Variants in MGAT4C observed in about 807,000 individuals in gnomAD.
MGAT4C encodes alpha-1,3-mannosyl-glycoprotein 4-beta-N-acetylglucosaminyltransferase C.
MGAT4C carries 19 observed loss-of-function variants against 40.1 expected under a neutral mutation model. The observed-to-expected ratio is 0.47, with a 90% CI of 0.33 to 0.70. MGAT4C has a LOEUF of 0.70. Ranked by LOEUF, MGAT4C falls within the 30% of genes least tolerant of loss-of-function variation. The probability of loss-of-function intolerance (pLI) is 0.02; values close to 1 mark genes in which losing one functional copy is unlikely to be tolerated. For missense variants in MGAT4C, 491 were observed against 563.2 expected (o/e 0.87, Z 1.30); for synonymous variants, 181 against 187.1 (o/e 0.97, Z 0.27).
intron 1 of MGAT4C, among the ~76,000 whole-genome samples, chr12:86,109,331 T>A (rs1876798080): frequency 1.3e-5 from 2 of 152,124 alleles, no homozygotes; most frequent in Non-Finnish European, 1.5e-5. Flanking sequence ...ATTAATATAG[T>A]CTTTTCAGAA....
intron 2 of MGAT4C, among the ~76,000 whole-genome samples, chr12:86,603,513 A>G (rs1426381445): frequency 1.7e-4 from 4 of 23,168 alleles, no homozygotes; most frequent in Non-Finnish European, 5.1e-4. Flanking sequence ...TATATAGTCT[A>G]TAGTCTATAG....
At chr12:86,098,939 C>T (rs1213397197) in intron 1 of MGAT4C, among the ~76,000 whole-genome samples, 2 of 151,346 alleles carry the variant, frequency 1.3e-5, no homozygotes, top group African/African-American at 4.8e-5. Flanking sequence ...TAAAATATTC[C>T]ATTCAATTAC....
intron 3 of MGAT4C, among the ~76,000 whole-genome samples, chr12:86,350,890 A>T (rs560552797): frequency 1.3e-5 from 2 of 152,092 alleles, no homozygotes; most frequent in South Asian, 4.1e-4. Flanking sequence ...TTCTAGAGCA[A>T]CTGTATTTTA....
In MGAT4C at chr12:86,700,034, A is replaced by AG. The variant is rs1432943016; in HGVS notation, c.-229+27174_-229+27175insC. On this transcript the variant is annotated intron_variant, in intron 2 of 7. Coordinates refer to the MGAT4C transcript ENST00000548651. The stretch of plus-strand genomic sequence containing the variant: ...TGTTGTTCAGGGGTCAAATTTAGAT[A>AG]AATAGATAGATAGATAGATAGATAG... Among the ~76,000 whole-genome samples, 386 of 131,020 alleles carry AG rather than the reference A, an allele frequency of 2.9e-3. 5 individuals are homozygous for AG. Among genetic ancestry groups the AG allele is most frequent in the African/African-American group, 9.7e-3 (330 of 34,018 alleles). 86.0% of individuals were successfully genotyped at this position (131,020 alleles called of 152,430 possible). A position where few individuals can be genotyped will look rare whatever the true frequency, so the allele number is the denominator to read the frequency against.
intron 2 of MGAT4C, among the ~76,000 whole-genome samples, chr12:86,505,869 A>T (rs1275766613): frequency 6.6e-6 from 1 of 152,196 alleles, no homozygotes; most frequent in African/African-American, 2.4e-5. Context: ...CTTAGGGAGA[A>T]ACAAATGGCC....
In MGAT4C at chr12:86,551,020, A is replaced by G. The variant is rs542982372; in HGVS notation, c.-228-115755T>C. On this transcript the variant is annotated intron_variant, in intron 2 of 7. Transcript: ENST00000548651. ...ATGCCCCCAGGCCAGCTGATCAGTC[A>G]CGTGCCCACATCTCAAGCCCAAGAC... Among the ~76,000 whole-genome samples, 454 of 152,130 alleles carry G rather than the reference A, an allele frequency of 3.0e-3. 2 individuals are homozygous for G. Among genetic ancestry groups the G allele is most frequent in the African/African-American group, 0.01 (433 of 41,522 alleles).
At chr12:86,058,414 T>C (rs1413046575) in intron 1 of MGAT4C, among the ~76,000 whole-genome samples, 1 of 152,124 alleles carries the variant, frequency 6.6e-6, no homozygotes, top group African/African-American at 2.4e-5. Flanking sequence ...AATATTATGC[T>C]AATAGTAAAA....
intron 2 of MGAT4C, among the ~76,000 whole-genome samples, chr12:86,489,824 T>C (rs919768974): frequency 3.3e-5 from 5 of 152,018 alleles, no homozygotes; most frequent in African/African-American, 9.7e-5. Flanking sequence ...AGGGTATCAG[T>C]GATGGAAGAT....
chr12:86,494,019 T>C (rs1958189347), intron 2 of MGAT4C, among the ~76,000 whole-genome samples: 1 of 152,024 alleles, frequency 6.6e-6, no homozygotes, highest in Admixed American at 6.6e-5. Context: ...ATTATAACTA[T>C]ACAATTGAAA....
chr12:86,411,787 A>G (rs928851917), intron 3 of MGAT4C, among the ~76,000 whole-genome samples: 22 of 152,310 alleles, frequency 1.4e-4, no homozygotes, highest in African/African-American at 5.3e-4. Flanking sequence ...AGGGCCTCAG[A>G]GGTCTTCACA....
intron 1 of MGAT4C, among the ~76,000 whole-genome samples, chr12:86,826,377 A>T (rs976749373): frequency 6.6e-6 from 1 of 151,406 alleles, no homozygotes; most frequent in Admixed American, 6.6e-5. Context: ...GGTTATAAAA[A>T]CTGGCTGCAA....
chr12:86,323,422 A>G (rs951471430), intron 4 of MGAT4C, among the ~76,000 whole-genome samples: 3 of 151,744 alleles, frequency 2.0e-5, no homozygotes, highest in Non-Finnish European at 4.4e-5. Context: ...CTAAAATAAT[A>G]TTAAAGGGAT....
At chr12:86,457,047 C>G (rs1957521401) in intron 2 of MGAT4C, among the ~76,000 whole-genome samples, 1 of 152,110 alleles carries the variant, frequency 6.6e-6, no homozygotes, top group South Asian at 2.1e-4. Flanking sequence ...CTATTTCAAG[C>G]AGCTTAAGTG....
chr12:86,280,698 C>CT (rs34560267), intron 4 of MGAT4C, among the ~76,000 whole-genome samples: 11,359 of 145,668 alleles, frequency 0.078, 596 homozygotes, highest in Middle Eastern at 0.2. Context: ...AATTTCTATC[C>CT]TTTTTTTTTT....
chr12:85,980,517 G>A (rs2136684802), intron 4 of MGAT4C, 87 bp from the exon 5 acceptor site: 1 of 1,189,684 alleles, frequency 8.4e-7, no homozygotes, highest in Admixed American at 2.6e-5. Context: ...CCTTTGACTT[G>A]CTACTTACTA....
intron 1 of MGAT4C, among the ~76,000 whole-genome samples, chr12:86,759,224 T>C (rs900436055): frequency 6.6e-6 from 1 of 152,118 alleles, no homozygotes; most frequent in Non-Finnish European, 1.5e-5. Context: ...AATTTCATTA[T>C]TTTTATGGCT....
intron 3 of MGAT4C, among the ~76,000 whole-genome samples, chr12:85,986,551 A>G (rs569709704): frequency 2.0e-5 from 3 of 152,212 alleles, no homozygotes; most frequent in South Asian, 4.1e-4. Flanking sequence ...TCAGGCCACA[A>G]ATGGATTTTC....
intron 2 of MGAT4C, among the ~76,000 whole-genome samples, chr12:86,605,381 T>C (rs1962008279): frequency 6.6e-6 from 1 of 152,050 alleles, no homozygotes; most frequent in Non-Finnish European, 1.5e-5. Context: ...ACTGAGTAGA[T>C]TTTTCGATGA....
At chr12:86,193,666 T>A (rs1257377728) in intron 1 of MGAT4C, among the ~76,000 whole-genome samples, 1 of 152,172 alleles carries the variant, frequency 6.6e-6, no homozygotes, top group African/African-American at 2.4e-5. Flanking sequence ...ATTTTTTAGC[T>A]CTCTAGTAAC....
Sources: allele counts gnomAD v4.1 joint callset (sites outside exome capture counted in the v4.1 genomes callset), GRCh38; gene constraint gnomAD v4.1.1; transcripts MANE v1.5; gene names NCBI Gene and HGNC (gene_info 2026-07-23, HGNC 2026-07-21).